Variants in SLC35F3 observed in about 807,000 individuals in gnomAD.
The protein encoded by SLC35F3 is solute carrier family 35 member F3, also known as putative thiamine transporter SLC35F3.
Under a neutral mutation model 49.9 loss-of-function variants are expected in SLC35F3, and 25 were observed. The ratio of observed to expected loss-of-function variants is 0.50; its 90% CI spans 0.37 to 0.70. The LOEUF (loss-of-function observed/expected upper bound fraction) is 0.70. SLC35F3 is among the 30% of genes least tolerant of loss of function. The pLI, the probability that SLC35F3 is intolerant of heterozygous loss-of-function variation, is 0.00. For synonymous variants in SLC35F3, 275 were observed against 265.4 expected (o/e 1.04, Z -0.35); for missense variants, 525 against 639.8 (o/e 0.82, Z 1.94).
intron 2 of SLC35F3, among the ~76,000 whole-genome samples, chr1:234,186,968 C>T (rs912563327): frequency 6.6e-6 from 1 of 152,132 alleles, no homozygotes; most frequent in Non-Finnish European, 1.5e-5. Context: ...TCCTGTGTCT[C>T]TCTCATTCCT....
intron 2 of SLC35F3, among the ~76,000 whole-genome samples, chr1:234,129,673 T>A (rs954457612): frequency 6.6e-6 from 1 of 152,184 alleles, no homozygotes; most frequent in African/African-American, 2.4e-5. Context: ...CCAAAAATTA[T>A]AAATTTACGC....
At chr1:233,936,524 TCC>T (rs1662331095) in intron 2 of SLC35F3, among the ~76,000 whole-genome samples, 1 of 147,062 alleles carries the variant, frequency 6.8e-6, no homozygotes, top group African/African-American at 2.4e-5. Flanking sequence ...GTTCTCCTCC[TCC>T]TCCTCCTTCT....
intron 2 of SLC35F3, among the ~76,000 whole-genome samples, chr1:233,981,332 A>T (rs558790657): frequency 1.3e-5 from 2 of 152,196 alleles, no homozygotes; most frequent in Non-Finnish European, 2.9e-5. Context: ...TGCCGCCTCT[A>T]ACCCTACACA....
chr1:234,234,348 G>A (rs1041468597), intron 3 of SLC35F3, among the ~76,000 whole-genome samples: 5 of 152,090 alleles, frequency 3.3e-5, no homozygotes, highest in South Asian at 2.1e-4. Context: ...CTCCCCAACT[G>A]AGCCGCTTCC....
intron 2 of SLC35F3, among the ~76,000 whole-genome samples, chr1:233,939,721 T>C (rs1004949899): frequency 2.0e-5 from 3 of 152,198 alleles, no homozygotes; most frequent in East Asian, 1.9e-4. Context: ...CTGGCACTTA[T>C]GGGCTCACTT....
Position 233,904,708 on chromosome 1 carries a change from C to G in SLC35F3, c.-370C>G, listed in dbSNP as rs1446017914. Reference sequence around the variant, plus strand: ...CGCCTCCCCGCCCGACCAGGTGCCTCGAGAGCGCACAGCTGGGAGGGCTCT... The same window carrying G: ...CGCCTCCCCGCCCGACCAGGTGCCTGGAGAGCGCACAGCTGGGAGGGCTCT... On this transcript the variant is annotated 5_prime_UTR_variant, in exon 1 of 8. Coordinates refer to ENST00000366618, the MANE Select transcript of SLC35F3 (RefSeq NM_173508.4). Among the ~76,000 whole-genome samples, 1 of 151,860 alleles carries G rather than the reference C, an allele frequency of 6.6e-6. No individual in the cohort carries two copies. The highest frequency in any genetic ancestry group is 1.5e-5 in the Non-Finnish European group (1 of 67,924).
At chr1:233,953,354 A>G (rs1662640539) in intron 2 of SLC35F3, among the ~76,000 whole-genome samples, 1 of 152,246 alleles carries the variant, frequency 6.6e-6, no homozygotes, top group South Asian at 2.1e-4. Context: ...CTATGGAATT[A>G]TAGCTGGGAA....
intron 2 of SLC35F3, among the ~76,000 whole-genome samples, chr1:234,022,702 T>A (rs528607330): frequency 5.9e-5 from 9 of 152,192 alleles, no homozygotes; most frequent in Non-Finnish European, 1.2e-4. Context: ...AGATTCAACA[T>A]CTCTGGCTCA....
At chr1:234,196,621 T>C (rs1666816263) in intron 2 of SLC35F3, among the ~76,000 whole-genome samples, 1 of 152,244 alleles carries the variant, frequency 6.6e-6, no homozygotes, top group Non-Finnish European at 1.5e-5. Flanking sequence ...TCTGGAAATG[T>C]TGTCTGTATT....
chr1:234,093,998 C>T (rs111673033), intron 2 of SLC35F3, among the ~76,000 whole-genome samples: 2 of 152,280 alleles, frequency 1.3e-5, no homozygotes, highest in African/African-American at 4.8e-5. Context: ...AGCAGCAGAC[C>T]GCCCAGACGG....
At chr1:233,941,011 T>C (rs1351464367) in intron 2 of SLC35F3, among the ~76,000 whole-genome samples, 5 of 152,192 alleles carry the variant, frequency 3.3e-5, no homozygotes, top group African/African-American at 4.8e-5. Context: ...TCATTATTTT[T>C]CCCCAGTTGT....
chr1:234,064,237 C>T (rs920696174), intron 2 of SLC35F3, among the ~76,000 whole-genome samples: 5 of 152,192 alleles, frequency 3.3e-5, no homozygotes, highest in Admixed American at 3.3e-4. Context: ...ATTTATTTTT[C>T]TGTTTTCCAG....
At chr1:234,290,732 G>A (rs480039) in intron 3 of SLC35F3, among the ~76,000 whole-genome samples, 36,156 of 152,156 alleles carry the variant, frequency 0.24, 5,570 homozygotes, top group East Asian at 0.75. Context: ...GCAAAAAGGC[G>A]ATTTACTAGA....
chr1:234,105,561 G>A (rs1203306643), intron 2 of SLC35F3, among the ~76,000 whole-genome samples: 1 of 152,170 alleles, frequency 6.6e-6, no homozygotes, highest in African/African-American at 2.4e-5. Flanking sequence ...AGCCTCCAAA[G>A]AAAGAGGAGC....
chr1:234,201,739 T>C (rs16842788), intron 2 of SLC35F3, among the ~76,000 whole-genome samples: 8,821 of 152,158 alleles, frequency 0.058, 688 homozygotes, highest in African/African-American at 0.18. Flanking sequence ...AATGGGTTGA[T>C]GCCTGATAGT....
At chr1:234,142,863 T>C (rs1193859985) in intron 2 of SLC35F3, among the ~76,000 whole-genome samples, 2 of 152,356 alleles carry the variant, frequency 1.3e-5, no homozygotes, top group African/African-American at 2.4e-5. Flanking sequence ...GATTGAGTTA[T>C]ATAGTCAGTA....
chr1:234,158,833 T>C (rs963118171), intron 2 of SLC35F3, among the ~76,000 whole-genome samples: 3 of 152,214 alleles, frequency 2.0e-5, no homozygotes, highest in Admixed American at 1.3e-4. Flanking sequence ...AACTAAGAAA[T>C]ATATGTAATC....
intron 3 of SLC35F3, among the ~76,000 whole-genome samples, chr1:234,264,929 C>G (rs574783289): frequency 6.6e-6 from 1 of 152,314 alleles, no homozygotes; most frequent in Admixed American, 6.5e-5. Flanking sequence ...TGTGTCATCT[C>G]CCTTCCTCTC....
chr1:234,149,493 T>C (rs1009998582), intron 2 of SLC35F3, among the ~76,000 whole-genome samples: 36 of 152,310 alleles, frequency 2.4e-4, no homozygotes, highest in African/African-American at 8.4e-4. Flanking sequence ...GACATTTACA[T>C]GAATGACTTC....
Sources: gnomAD v4.1 joint callset for allele counts (sites outside exome capture counted in the v4.1 genomes callset) on GRCh38, gnomAD v4.1.1 for gene constraint, MANE v1.5 for transcripts, NCBI Gene and HGNC (gene_info 2026-07-23, HGNC 2026-07-21) for gene names.